VAPB: variants seen among roughly 807,000 people sequenced by gnomAD.
The protein encoded by VAPB is VAMP associated protein B and C, also known as vesicle-associated membrane protein-associated protein B/C.
In VAPB, 7 loss-of-function variants were observed where a neutral mutation model predicts 25.6. The ratio of observed to expected loss-of-function variants is 0.27; its 90% CI spans 0.16 to 0.51. The LOEUF (loss-of-function observed/expected upper bound fraction) is 0.51, where lower values mean the gene tolerates loss of function less well. Ranked by LOEUF, VAPB falls within the 20% of genes least tolerant of loss-of-function variation. The pLI, the probability that VAPB is intolerant of heterozygous loss-of-function variation, is 0.97. For missense variants in VAPB, 266 were observed against 301.3 expected (o/e 0.88, Z 0.87); for synonymous variants, 112 against 109.2 (o/e 1.03, Z -0.16).
chr20:58,389,232 T>G lies in VAPB; in HGVS notation c.-228T>G. 1 of 653,856 alleles carries G rather than the reference T, an allele frequency of 1.5e-6. No homozygotes were observed. The highest frequency in any genetic ancestry group is 3.0e-5 in the East Asian group (1 of 33,886). The allele number at this position is 653,856 out of a possible 1,614,324, so 40.5% of individuals were successfully genotyped here. Reference sequence around the variant, plus strand: ...CTGCGTGCGTGCGTGCGTGCGTGCGTGCCGTCAGCTCGCCGGGCACCGCGG... The same window carrying G: ...CTGCGTGCGTGCGTGCGTGCGTGCGGGCCGTCAGCTCGCCGGGCACCGCGG... On this transcript the variant is annotated 5_prime_UTR_variant, in exon 1 of 6. Transcript: ENST00000475243.
At chr20:58,394,424 A>G (rs1408817028) in intron 1 of VAPB, among the ~76,000 whole-genome samples, 1 of 152,244 alleles carries the variant, frequency 6.6e-6, no homozygotes, top group Non-Finnish European at 1.5e-5. Context: ...TTAGCATGGC[A>G]CTGATTTTCT....
intron 2 of VAPB, among the ~76,000 whole-genome samples, chr20:58,420,761 A>T (rs1389700156): frequency 6.6e-6 from 1 of 152,146 alleles, no homozygotes; most frequent in Non-Finnish European, 1.5e-5. Context: ...GCTTGGGGGG[A>T]ACCAAGGTGA....
chr20:58,393,741 G>GTTTTT (rs534640471), intron 1 of VAPB, among the ~76,000 whole-genome samples: 89 of 132,874 alleles, frequency 6.7e-4, no homozygotes, highest in Non-Finnish European at 1.2e-3. Flanking sequence ...GTTTTGTTTT[G>GTTTTT]TTTTTTTTGA....
chr20:58,430,959 C>G (rs971459105), intron 2 of VAPB: 9 of 152,300 alleles, frequency 5.9e-5, no homozygotes, highest in African/African-American at 2.2e-4. Flanking sequence ...AGGATGTGTT[C>G]TTTTGGTGAA....
At chr20:58,392,303 C>A (rs1342061227) in intron 1 of VAPB, among the ~76,000 whole-genome samples, 1 of 152,196 alleles carries the variant, frequency 6.6e-6, no homozygotes, top group Non-Finnish European at 1.5e-5. Flanking sequence ...GGTTTCATCA[C>A]TTCTGTACCT....
intron 5 of VAPB, among the ~76,000 whole-genome samples, chr20:58,443,715 G>A (rs554294445): frequency 2.0e-5 from 3 of 152,142 alleles, no homozygotes; most frequent in African/African-American, 7.2e-5. Context: ...GGGTTGAAGA[G>A]AAGCATCCGG....
chr20:58,435,705 AAGG>A (rs1343988437), intron 3 of VAPB, among the ~76,000 whole-genome samples: 48 of 152,332 alleles, frequency 3.2e-4, no homozygotes, highest in Non-Finnish European at 6.8e-4. Context: ...GCAGAAAATG[AAGG>A]AGGAGGCCAG....
chr20:58,433,964 C>G (rs941984208), intron 2 of VAPB, among the ~76,000 whole-genome samples: 13 of 152,216 alleles, frequency 8.5e-5, no homozygotes, highest in Middle Eastern at 3.4e-3. Flanking sequence ...GAAGGCACCT[C>G]CCTCCATGCA....
intron 2 of VAPB, among the ~76,000 whole-genome samples, chr20:58,429,357 C>G (rs1881138548): frequency 6.6e-6 from 1 of 152,238 alleles, no homozygotes; most frequent in South Asian, 2.1e-4. Flanking sequence ...CCTGCTACCT[C>G]AGGCTGTCGC....
At chr20:58,412,637 A>AGT (rs1323496043) in intron 1 of VAPB, among the ~76,000 whole-genome samples, 4 of 150,846 alleles carry the variant, frequency 2.7e-5, no homozygotes, top group Non-Finnish European at 5.9e-5. Context: ...CTTGCCATTT[A>AGT]GTAGATAGGA....
intron 2 of VAPB, among the ~76,000 whole-genome samples, chr20:58,430,250 C>CTTT (rs36004702): frequency 6.2e-5 from 9 of 146,214 alleles, no homozygotes; most frequent in South Asian, 2.2e-4. Flanking sequence ...GCCAATTTTT[C>CTTT]TTTTTTTTTT....
At position 58,450,973 on chromosome 20, in the gene VAPB, G is replaced by C. The variant is rs1241060701; in HGVS notation, c.*6738G>C. On this transcript the variant is annotated 3_prime_UTR_variant, in exon 6 of 6. Coordinates refer to ENST00000475243, the MANE Select transcript of VAPB (RefSeq NM_004738.5). ...TTTCTGCAGGGTCCAGACCAAAAGA[G>C]CCATTTACAGCATGTTCTCCCATGT... 2.2e-6 allele frequency: 1 copy of C among 454,106 alleles called. No individual in the cohort carries two copies. Among genetic ancestry groups the C allele is most frequent in the Admixed American group, 2.3e-5 (1 of 42,576 alleles). 28.1% of individuals were successfully genotyped at this position (454,106 alleles called of 1,614,324 possible).
At chr20:58,413,139 C>CTTTTTTTTTTTTTTTTTTTT (rs11481028) in intron 1 of VAPB, among the ~76,000 whole-genome samples, 3 of 132,586 alleles carry the variant, frequency 2.3e-5, no homozygotes, top group Non-Finnish European at 4.8e-5. Context: ...TATTTGCCTT[C>CTTTTTTTTTTTTTTTTTTTT]TTTTTTTTTT....
In VAPB at chr20:58,434,584, AAAT is replaced by A; in HGVS notation, c.212-16_212-14del. 7.9e-7 allele frequency: 1 copy of A among 1,271,742 alleles called. No homozygotes were observed. Among genetic ancestry groups the A allele is most frequent in the Non-Finnish European group, 1.2e-6 (1 of 869,156 alleles). The allele number at this position is 1,271,742 out of a possible 1,614,324, so 78.8% of individuals were successfully genotyped here. A position where few individuals can be genotyped will look rare whatever the true frequency, so the allele number is the denominator to read the frequency against. ...CAACCAAGCTCTGACCCTCCTAATGAAATATTTTCTTTCTCAGTGATGTTACAG... is the reference window on the plus strand; with the variant it reads ...CAACCAAGCTCTGACCCTCCTAATGAATTTTCTTTCTCAGTGATGTTACAG... On this transcript the variant is annotated splice_polypyrimidine_tract_variant and intron_variant, in intron 2 of 5. Coordinates refer to ENST00000475243, the MANE Select transcript of VAPB (RefSeq NM_004738.5).
intron 1 of VAPB, among the ~76,000 whole-genome samples, chr20:58,405,130 G>C (rs931244844): frequency 1.3e-5 from 2 of 152,158 alleles, no homozygotes; most frequent in Non-Finnish European, 2.9e-5. Context: ...AGGGTAATTA[G>C]GGAAGGTCAT....
intron 1 of VAPB, among the ~76,000 whole-genome samples, chr20:58,394,233 G>GT (rs1275631778): frequency 1.3e-5 from 2 of 152,228 alleles, no homozygotes; most frequent in African/African-American, 4.8e-5. Context: ...TAAGGACGTT[G>GT]TTTGTTTTGT....
In VAPB at chr20:58,450,873, A is replaced by G. The variant is rs1288322668; in HGVS notation, c.*6638A>G. On this transcript the variant is annotated 3_prime_UTR_variant, in exon 6 of 6. Transcript: ENST00000475243. ...AGGAAAGGACTCTTTACTGTTGCAC[A>G]TTTTGGTTTTCTGATATGTAATAAA... 1 of 454,138 alleles carries G rather than the reference A, an allele frequency of 2.2e-6. No individual in the cohort carries two copies. Among genetic ancestry groups the G allele is most frequent in the East Asian group, 6.9e-5 (1 of 14,398 alleles). The allele number at this position is 454,138 out of a possible 1,614,324, so 28.1% of individuals were successfully genotyped here.
intron 2 of VAPB, among the ~76,000 whole-genome samples, chr20:58,425,275 G>T (rs1478712730): frequency 6.6e-6 from 1 of 152,220 alleles, no homozygotes; most frequent in Non-Finnish European, 1.5e-5. Flanking sequence ...TGAGAAACTG[G>T]AAGCCCTGTC....
chr20:58,405,104 G>A (rs919844229), intron 1 of VAPB, among the ~76,000 whole-genome samples: 38 of 152,118 alleles, frequency 2.5e-4, no homozygotes, highest in African/African-American at 8.7e-4. Flanking sequence ...ATTTGGGAAT[G>A]GATTCAATTT....
Sources: gnomAD v4.1 joint callset for allele counts (sites outside exome capture counted in the v4.1 genomes callset) on GRCh38, gnomAD v4.1.1 for gene constraint, MANE v1.5 for transcripts, NCBI Gene and HGNC (gene_info 2026-07-23, HGNC 2026-07-21) for gene names.